Variants in PPP4R1 observed in about 807,000 individuals in gnomAD.
PPP4R1 encodes the protein protein phosphatase 4 regulatory subunit 1.
In PPP4R1, 42 loss-of-function variants were observed where a neutral mutation model predicts 111.2. The ratio of observed to expected loss-of-function variants is 0.38; its 90% CI spans 0.29 to 0.49. The LOEUF is 0.49. Ranked by LOEUF, PPP4R1 falls within the 20% of genes least tolerant of loss-of-function variation. PPP4R1 has a pLI of 0.97. For synonymous variants in PPP4R1, 409 were observed against 405.5 expected (o/e 1.01, Z -0.10); for missense variants, 1,012 against 1,161.6 (o/e 0.87, Z 1.87).
intron 2 of PPP4R1, among the ~76,000 whole-genome samples, chr18:9,602,581 C>T (rs1366608386): frequency 6.7e-6 from 1 of 150,126 alleles, no homozygotes; most frequent in Non-Finnish European, 1.5e-5. Flanking sequence ...TTCCTTTAGC[C>T]ATGCGCAGTG....
At chr18:9,593,965 T>A (rs931317475) in intron 3 of PPP4R1, 91 bp from the exon 4 acceptor site, 1 of 986,780 alleles carries the variant, frequency 1.0e-6, no homozygotes, top group Non-Finnish European at 1.5e-6. Context: ...CTCATTCCTG[T>A]TGCCCAGGCC....
chr18:9,593,123 T>C (rs1487820646), intron 4 of PPP4R1, among the ~76,000 whole-genome samples: 3 of 152,138 alleles, frequency 2.0e-5, no homozygotes, highest in South Asian at 2.1e-4. Flanking sequence ...ATAAAGATAA[T>C]AGATTTAAGG....
At chr18:9,605,852 T>C (rs973798593) in intron 2 of PPP4R1, among the ~76,000 whole-genome samples, 4 of 152,168 alleles carry the variant, frequency 2.6e-5, no homozygotes, top group Non-Finnish European at 5.9e-5. Flanking sequence ...AAAGTGCCCT[T>C]GTTCTTAGGA....
chr18:9,563,681 A>C (rs1329368751), intron 11 of PPP4R1, 131 bp from the exon 12 acceptor site: 1 of 834,752 alleles, frequency 1.2e-6, no homozygotes. Flanking sequence ...AAAAAGCTGG[A>C]AAAAAATTTC....
At position 9,547,949 on chromosome 18, in the gene PPP4R1, T is replaced by C. The variant is rs145973791; in HGVS notation, c.2693A>G (p.Tyr898Cys). The C allele has an allele frequency of 8.4e-3, 13,516 of 1,613,796 alleles. 78 individuals carry two copies. The highest frequency in any genetic ancestry group is 0.01 in the Non-Finnish European group (11,923 of 1,179,954). The change falls in exon 20 of 20, where the codon TAT becomes TGT. Residue 898 changes from tyrosine to cysteine, a missense_variant. This residue lies in a region of PPP4R1 where 305 missense variants were observed against 419.5 expected (regional missense o/e 0.73). Transcript: ENST00000400556. ...GTGGCAGCTGGCAGAGGCCAAGAAA[T>C]AGTCTGGAAATGACATGTGCATAGG... is the stretch of plus-strand genomic sequence containing the variant. ...TLRQTLLEKDYFLASASCHQE... is the reference protein window; with the variant it reads ...TLRQTLLEKDCFLASASCHQE...
intron 15 of PPP4R1, among the ~76,000 whole-genome samples, chr18:9,555,940 T>A (rs539195824): frequency 6.7e-6 from 1 of 149,784 alleles, no homozygotes; most frequent in African/African-American, 2.5e-5. Flanking sequence ...ATCAAGACCA[T>A]CCTGGCCAAC....
rs147525779 is a variant in PPP4R1, at chr18:9,611,771, G to A, written c.52+2455C>T. ...TCACGCCTGTAATCCCAGCACTTTG[G>A]GAGGCCAAGGCAGGTGGATCACCTG... On this transcript the variant is annotated intron_variant, in intron 2 of 19. Transcript: ENST00000400556. Among the ~76,000 whole-genome samples the A allele has an allele frequency of 3.3e-3, 495 of 152,126 alleles. 4 individuals carry two copies. Among genetic ancestry groups the A allele is most frequent in the African/African-American group, 0.011 (473 of 41,394 alleles).
chr18:9,557,046 G>T, intron 15 of PPP4R1, 175 bp downstream of exon 15: 1 of 541,158 alleles, frequency 1.8e-6, no homozygotes. Context: ...TGTTTTAAAA[G>T]TGAGAGTATA....
chr18:9,572,795 C>G (rs554669176), intron 10 of PPP4R1, among the ~76,000 whole-genome samples: 1 of 152,326 alleles, frequency 6.6e-6, no homozygotes, highest in Admixed American at 6.5e-5. Flanking sequence ...TGAACAAAAA[C>G]ATACGTAAGT....
At chr18:9,552,041 G>A (rs1055100893) in intron 16 of PPP4R1, 2 of 152,288 alleles carry the variant, frequency 1.3e-5, no homozygotes, top group African/African-American at 4.8e-5. Context: ...TGTGTTTTGA[G>A]TCAGAAGTGG....
chr18:9,595,741 G>A (rs2067280391), intron 2 of PPP4R1, among the ~76,000 whole-genome samples: 1 of 152,092 alleles, frequency 6.6e-6, no homozygotes, highest in African/African-American at 2.4e-5. Flanking sequence ...TGTAATAAAA[G>A]TATGTATTAA....
chr18:9,593,658 A>G lies in PPP4R1; in HGVS notation c.295+110T>C. The G allele has an allele frequency of 4.2e-6, 4 of 962,646 alleles. No individual in the cohort carries two copies. In the Admixed American group the frequency reaches 8.2e-5, roughly 20 times the overall value. The allele number at this position is 962,646 out of a possible 1,614,324, so 59.6% of individuals were successfully genotyped here. A position where few individuals can be genotyped will look rare whatever the true frequency, so the allele number is the denominator to read the frequency against. On this transcript the variant is annotated intron_variant, in intron 4 of 19. Transcript: ENST00000400556. ...TGGGTTTGATAATTACTTAGGAAAT[A>G]TTTTAAAGCTATCTCATATCACATT...
intron 10 of PPP4R1, among the ~76,000 whole-genome samples, chr18:9,576,546 A>G (rs1393299997): frequency 6.6e-6 from 1 of 152,178 alleles, no homozygotes; most frequent in Admixed American, 6.5e-5. Flanking sequence ...TATACTGGCT[A>G]ATATACTGGC....
At chr18:9,581,635 A>G (rs2067031794) in intron 9 of PPP4R1, among the ~76,000 whole-genome samples, 1 of 152,144 alleles carries the variant, frequency 6.6e-6, no homozygotes, top group Non-Finnish European at 1.5e-5. Flanking sequence ...AGAGGGAGAG[A>G]AGAGAGAAGG....
Position 9,583,272 on chromosome 18 carries a change from G to A in PPP4R1, c.763C>T (p.Pro255Ser). 1 of 1,557,726 alleles carries A rather than the reference G, an allele frequency of 6.4e-7. No individual in the cohort carries two copies. The highest frequency in any genetic ancestry group is 1.2e-5 in the South Asian group (1 of 83,782). Residue 255 changes from proline (P) to serine (S), a missense_variant, in exon 9 of 20, where the codon CCC becomes TCC. Pro to Ser is a moderately conservative substitution (Grantham distance 74). Around this residue, in one of 2 missense-constraint regions of PPP4R1, gnomAD observed 707 missense variants for 742.1 expected, o/e 0.95. Coordinates refer to ENST00000400556, the MANE Select transcript of PPP4R1 (RefSeq NM_001042388.3). Reference sequence around the variant, plus strand: ...TCAGAACAAAGCTGGAAAAATCTGGGCAGCTATGTGAAAAGGAAAGAGTCT... The same window carrying A: ...TCAGAACAAAGCTGGAAAAATCTGGACAGCTATGTGAAAAGGAAAGAGTCT... ...GQQATEEMLL[P>S]RFFQLCSDNV...
At chr18:9,578,028 T>G (rs1201642093) in intron 9 of PPP4R1, among the ~76,000 whole-genome samples, 1 of 152,224 alleles carries the variant, frequency 6.6e-6, no homozygotes, top group Non-Finnish European at 1.5e-5. Context: ...TCTTGATGAC[T>G]GTCTCATGTA....
At chr18:9,570,018 G>A in intron 11 of PPP4R1, 139 bp downstream of exon 11, 4 of 866,030 alleles carry the variant, frequency 4.6e-6, no homozygotes, top group Non-Finnish European at 6.4e-6. Context: ...TCAAAGTGCT[G>A]GTATTATAGG....
At chr18:9,565,906 AAAC>A (rs1386746728) in intron 11 of PPP4R1, among the ~76,000 whole-genome samples, 4 of 152,294 alleles carry the variant, frequency 2.6e-5, no homozygotes, top group African/African-American at 9.6e-5. Flanking sequence ...TAGCTACACC[AAAC>A]AACAAATTTT....
At chr18:9,602,896 A>C (rs1368517505) in intron 2 of PPP4R1, among the ~76,000 whole-genome samples, 1 of 152,180 alleles carries the variant, frequency 6.6e-6, no homozygotes, top group Non-Finnish European at 1.5e-5. Context: ...AAGATTTTTA[A>C]GGTAAGAGAG....
Sources: gnomAD v4.1 joint callset for allele counts (sites outside exome capture counted in the v4.1 genomes callset) on GRCh38, gnomAD v4.1.1 for gene constraint, gnomAD v4.1.1 regional missense constraint, MANE v1.5 for transcripts, NCBI Gene and HGNC (gene_info 2026-07-23, HGNC 2026-07-21) for gene names.